VAV1: variants seen among roughly 807,000 people sequenced by gnomAD.
The protein encoded by VAV1 is proto-oncogene vav.
Under a neutral mutation model 128.1 loss-of-function variants are expected in VAV1, and 33 were observed. The ratio of observed to expected loss-of-function variants is 0.26; its 90% CI spans 0.20 to 0.34. The LOEUF is 0.34. Among genes scored for constraint, VAV1 ranks in the 10% least tolerant of loss-of-function variants. The pLI, the probability that VAV1 is intolerant of heterozygous loss-of-function variation, is 1.00. For synonymous variants in VAV1, 394 were observed against 409.8 expected, an observed-to-expected ratio of 0.96 and a Z score of 0.47; for missense variants, 715 against 1,093.7, an observed-to-expected ratio of 0.65 and a Z score of 4.88.
chr19:6,777,140 C>CCCAT lies in VAV1; in HGVS notation c.204+4141_204+4144dup, dbSNP rs1054542798. Among the ~76,000 whole-genome samples, 1 of 151,448 alleles carries CCCAT rather than the reference C, an allele frequency of 6.6e-6. No individual in the cohort carries two copies. Among genetic ancestry groups the CCCAT allele is most frequent in the African/African-American group, 2.4e-5 (1 of 41,168 alleles). On this transcript the variant is annotated intron_variant, in intron 1 of 26. Coordinates refer to ENST00000602142, the MANE Select transcript of VAV1 (RefSeq NM_005428.4). This position sits in a 1 kb window ranked among gnomAD's most constrained non-coding sequence, Gnocchi z 4.4. The stretch of plus-strand genomic sequence containing the variant: ...TCCATCCATCCATCCATCCACCCAT[C>CCCAT]CCATCCATCCATCCACTCATCCACC...
chr19:6,822,459 G>C lies in VAV1; in HGVS notation c.599G>C (p.Arg200Pro). Residue 200 changes from arginine to proline, a missense_variant, in exon 6 of 27, where the codon CGG becomes CCG. This residue lies in a region of VAV1 where 302 missense variants were observed against 477.8 expected (regional missense o/e 0.63). Coordinates refer to ENST00000602142, the MANE Select transcript of VAV1 (RefSeq NM_005428.4). The surrounding 1 kb of genome is among the most constrained non-coding windows in gnomAD (Gnocchi z 5.9). ...TEYDKRCCCL[R>P]EIQQTEEKYT... is the part of the protein sequence containing the mutation. ...TATGACAAGCGCTGCTGCTGCCTGC[G>C]GGAGATCCAGCAGACGGAGGAGAAG... 6.4e-7 allele frequency: 1 copy of C among 1,562,956 alleles called. No homozygotes were observed. The highest frequency in any genetic ancestry group is 8.7e-7 in the Non-Finnish European group (1 of 1,155,830).
At chr19:6,837,086 G>T in intron 21 of VAV1, 36 bp downstream of exon 21, 2 of 1,609,668 alleles carry the variant, frequency 1.2e-6, no homozygotes, top group Non-Finnish European at 8.5e-7. Context: ...TAAGGGCAAG[G>T]GGTCCAGGGC....
intron 1 of VAV1, among the ~76,000 whole-genome samples, chr19:6,810,476 G>A (rs1170378351): frequency 6.6e-6 from 1 of 152,102 alleles, no homozygotes; most frequent in Non-Finnish European, 1.5e-5. Flanking sequence ...GGCAGAGGTG[G>A]GTGGATCCCC....
At chr19:6,849,731 A>G (rs970250245) in intron 23 of VAV1, among the ~76,000 whole-genome samples, 1 of 152,202 alleles carries the variant, frequency 6.6e-6, no homozygotes, top group African/African-American at 2.4e-5. Flanking sequence ...AATAACACCC[A>G]GTGCATCCAC....
chr19:6,838,097 GTCTATCTATCTATCTA>G (rs151241479), intron 21 of VAV1, among the ~76,000 whole-genome samples: 290 of 146,648 alleles, frequency 2.0e-3, no homozygotes, highest in African/African-American at 6.9e-3. Context: ...CTGTCTGTCT[GTCTATCTATCTATCTA>G]TCTATCTATC....
At chr19:6,784,765 A>T (rs181310438) in intron 1 of VAV1, among the ~76,000 whole-genome samples, 4 of 151,936 alleles carry the variant, frequency 2.6e-5, no homozygotes, top group Non-Finnish European at 2.9e-5. Context: ...AAGTGCTGGG[A>T]TTACAGACGT....
chr19:6,809,235 G>A (rs922524232), intron 1 of VAV1, among the ~76,000 whole-genome samples: 1 of 151,998 alleles, frequency 6.6e-6, no homozygotes, highest in African/African-American at 2.4e-5. Context: ...CACCACACCT[G>A]GCTAATTTTA....
At chr19:6,833,023 C>A (rs1020692437) in intron 15 of VAV1, among the ~76,000 whole-genome samples, 161 bp from the exon 16 acceptor site, 1 of 152,088 alleles carries the variant, frequency 6.6e-6, no homozygotes, top group Non-Finnish European at 1.5e-5. Context: ...CATGGCAGCA[C>A]GATTCAGTGT....
intron 1 of VAV1, among the ~76,000 whole-genome samples, chr19:6,791,039 G>A (rs1270973971): frequency 6.6e-6 from 1 of 152,164 alleles, no homozygotes; most frequent in African/African-American, 2.4e-5. Flanking sequence ...CTTGGATTGT[G>A]ACTCCATCTT....
Position 6,835,142 on chromosome 19 carries a change from G to A in VAV1, c.1777+1189G>A, listed in dbSNP as rs550203890. 2.6e-5 allele frequency among the ~76,000 whole-genome samples: 4 copies of A among 151,378 alleles called. No homozygotes were observed. In the East Asian group the frequency reaches 7.7e-4, roughly 29 times the overall value. ...TAGCAATAGTCAGTCAGCTTTCTTA[G>A]CAAGAGTCAAAATTAGAAACAACCC... On this transcript the variant is annotated intron_variant, in intron 19 of 26. Coordinates refer to ENST00000602142, the MANE Select transcript of VAV1 (RefSeq NM_005428.4).
intron 1 of VAV1, among the ~76,000 whole-genome samples, chr19:6,795,891 G>C (rs1971122194): frequency 6.6e-6 from 1 of 152,068 alleles, no homozygotes; most frequent in African/African-American, 2.4e-5. Context: ...CACCATATTG[G>C]CCAGGCTGGT....
At chr19:6,789,932 G>A (rs1048621136) in intron 1 of VAV1, among the ~76,000 whole-genome samples, 3 of 152,190 alleles carry the variant, frequency 2.0e-5, no homozygotes, top group Admixed American at 1.3e-4. Flanking sequence ...GAGGCCAGAC[G>A]TGGTGGCTCA....
intron 1 of VAV1, among the ~76,000 whole-genome samples, chr19:6,797,822 C>CATT (rs1365040198): frequency 6.6e-6 from 1 of 150,514 alleles, no homozygotes; most frequent in African/African-American, 2.4e-5. Flanking sequence ...TGATGGTTTA[C>CATT]ATTATTTCCT....
intron 24 of VAV1, 52 bp from the exon 25 acceptor site, chr19:6,852,913 C>G (rs552563453): frequency 4.1e-5 from 61 of 1,497,088 alleles, no homozygotes; most frequent in Non-Finnish European, 5.3e-5. Context: ...AGCTCTGCCC[C>G]CTTATGGGCT....
At position 6,832,575 on chromosome 19, in the gene VAV1, C is replaced by G. The variant is rs140854128; in HGVS notation, c.1508+375C>G. On this transcript the variant is annotated intron_variant, in intron 15 of 26. Coordinates refer to ENST00000602142, the MANE Select transcript of VAV1 (RefSeq NM_005428.4). ...CCTCCTCCTCTCCTTCCTCCCCTTC[C>G]TCCTCCTCGCCCTCCTCTTCCTCTT... is the stretch of plus-strand genomic sequence containing the variant. Among the ~76,000 whole-genome samples, 15 of 127,376 alleles carry G rather than the reference C, an allele frequency of 1.2e-4. 1 individual carries two copies. The highest frequency in any genetic ancestry group is 2.1e-4 in the Non-Finnish European group (14 of 65,502). The allele number at this position is 127,376 out of a possible 152,430, so 83.6% of individuals were successfully genotyped here.
At chr19:6,794,358 G>A (rs1385433436) in intron 1 of VAV1, among the ~76,000 whole-genome samples, 1 of 152,094 alleles carries the variant, frequency 6.6e-6, no homozygotes, top group African/African-American at 2.4e-5. Flanking sequence ...AGGAAAACCA[G>A]GCCAGGCGTG....
chr19:6,852,011 T>C (rs1016493789), intron 24 of VAV1, among the ~76,000 whole-genome samples: 2 of 151,982 alleles, frequency 1.3e-5, no homozygotes, highest in African/African-American at 4.8e-5. Context: ...TTCATATAGG[T>C]TTACTTTAAA....
At chr19:6,854,445 GCTCATGC>G (rs1972745962) in intron 26 of VAV1, among the ~76,000 whole-genome samples, 1 of 152,178 alleles carries the variant, frequency 6.6e-6, no homozygotes, top group Non-Finnish European at 1.5e-5. Flanking sequence ...AGTCACGGTG[GCTCATGC>G]CTGTAATCCC....
chr19:6,808,853 TCA>T (rs1334843406), intron 1 of VAV1, among the ~76,000 whole-genome samples: 1 of 152,154 alleles, frequency 6.6e-6, no homozygotes, highest in African/African-American at 2.4e-5. Flanking sequence ...AGGGCCTCAT[TCA>T]CATATCTGCT....
Sources: allele counts gnomAD v4.1 joint callset (sites outside exome capture counted in the v4.1 genomes callset), GRCh38; gene constraint gnomAD v4.1.1; regional missense constraint gnomAD v4.1.1; non-coding constraint Gnocchi (gnomAD v3.1); transcripts MANE v1.5; gene names NCBI Gene and HGNC (gene_info 2026-07-23, HGNC 2026-07-21).